The following ANKRD12 variants were observed in gnomAD, a reference collection of about 807,000 sequenced individuals.
The protein encoded by ANKRD12 is ankyrin repeat domain 12, also known as ankyrin repeat domain-containing protein 12.
A neutral mutation model predicts 183.4 loss-of-function variants in ANKRD12; 85 were observed. That is an observed-to-expected ratio of 0.46 (90% CI 0.39 to 0.56). ANKRD12 has a LOEUF of 0.56. ANKRD12 is among the 20% of genes least tolerant of loss of function. ANKRD12 has a pLI of 0.00. For missense variants in ANKRD12, 2,405 were observed against 2,357.1 expected, an observed-to-expected ratio of 1.02 and a Z score of -0.42; for synonymous variants, 914 against 800.2, an observed-to-expected ratio of 1.14 and a Z score of -2.40.
rs60328704 is a variant in ANKRD12, at chr18:9,172,025, C to CAA, written c.-51-10343_-51-10342dup. 6.1e-3 allele frequency among the ~76,000 whole-genome samples: 762 copies of CAA among 125,754 alleles called. 4 individuals are homozygous for CAA. The highest frequency in any genetic ancestry group is 0.024 in the Middle Eastern group (6 of 250). The allele number at this position is 125,754 out of a possible 152,430, so 82.5% of individuals were successfully genotyped here. ...GGAAGAGTGAAATGAAGCTCCACCT[C>CAA]AAAAAAAAAAAAAAACGAATGTTGA... On this transcript the variant is annotated intron_variant, in intron 1 of 12. Transcript: ENST00000262126.
In ANKRD12 at chr18:9,256,157, T is replaced by C. The variant is rs1354024749; in HGVS notation, c.2890T>C (p.Ser964Pro). 1.3e-6 allele frequency: 2 copies of C among 1,551,864 alleles called. No homozygotes were observed. The highest frequency in any genetic ancestry group is 1.7e-6 in the Non-Finnish European group (2 of 1,159,446). ...KDRELDKKEK[S>P]RDKESINITN... Reference sequence around the variant, plus strand: ...CAGGGAGCTAGATAAAAAGGAAAAATCTAGAGATAAAGAAAGTATAAATAT... The same window carrying C: ...CAGGGAGCTAGATAAAAAGGAAAAACCTAGAGATAAAGAAAGTATAAATAT... The change falls in exon 9 of 13, where the codon TCT (serine) becomes CCT (proline). Residue 964 changes from serine (S) to proline (P), a missense_variant. Physicochemically the swap from Ser to Pro is moderately conservative, Grantham distance 74. This residue lies in a region of ANKRD12 where 1,983 missense variants were observed against 1,725.9 expected (regional missense o/e 1.15). Coordinates refer to ENST00000262126, the MANE Select transcript of ANKRD12 (RefSeq NM_015208.5).
chr18:9,155,185 A>T (rs2030220897), intron 1 of ANKRD12, among the ~76,000 whole-genome samples: 1 of 152,248 alleles, frequency 6.6e-6, no homozygotes, highest in East Asian at 1.9e-4. Context: ...GGGTACAAAA[A>T]GTAGAAAGAA....
At chr18:9,265,936 G>A (rs1445527257) in intron 10 of ANKRD12, among the ~76,000 whole-genome samples, 2 of 152,136 alleles carry the variant, frequency 1.3e-5, no homozygotes, top group Admixed American at 6.6e-5. Flanking sequence ...AGGACCTGAT[G>A]GAACTGAAAA....
At chr18:9,206,890 A>G (rs1286461935) in intron 4 of ANKRD12, among the ~76,000 whole-genome samples, 1 of 151,464 alleles carries the variant, frequency 6.6e-6, no homozygotes, top group African/African-American at 2.4e-5. Flanking sequence ...CAAAAATGCA[A>G]AATTTTCCCC....
chr18:9,170,155 T>G (rs1309944772), intron 1 of ANKRD12, among the ~76,000 whole-genome samples: 1 of 152,224 alleles, frequency 6.6e-6, no homozygotes, highest in Non-Finnish European at 1.5e-5. Flanking sequence ...ATTTTTTCCT[T>G]CATTTCAACT....
Position 9,162,695 on chromosome 18 carries a change from C to G in ANKRD12, c.-51-19687C>G, listed in dbSNP as rs139658479. 2.6e-3 allele frequency among the ~76,000 whole-genome samples: 401 copies of G among 152,292 alleles called. 7 individuals carry two copies. The highest frequency in any genetic ancestry group is 3.4e-3 in the Middle Eastern group (1 of 294). On this transcript the variant is annotated intron_variant, in intron 1 of 12. Transcript: ENST00000262126. Reference sequence around the variant, plus strand: ...ACAGTGTAAAAGCATTTCTTTTTCTCCACAACCTCGCCAGCGTCTGTTTCT... The same window carrying G: ...ACAGTGTAAAAGCATTTCTTTTTCTGCACAACCTCGCCAGCGTCTGTTTCT...
chr18:9,200,338 C>T (rs1390030054), intron 3 of ANKRD12, among the ~76,000 whole-genome samples: 1 of 152,272 alleles, frequency 6.6e-6, no homozygotes, highest in East Asian at 1.9e-4. Context: ...TTATTTTACT[C>T]TGTCAAAGAA....
chr18:9,230,206 T>G (rs2036963171), intron 8 of ANKRD12, among the ~76,000 whole-genome samples: 1 of 152,332 alleles, frequency 6.6e-6, no homozygotes, highest in East Asian at 1.9e-4. Flanking sequence ...TCTGGTTTGA[T>G]TTTGGCAGGT....
At chr18:9,138,082 A>G (rs1475799800) in intron 1 of ANKRD12, among the ~76,000 whole-genome samples, 1 of 152,236 alleles carries the variant, frequency 6.6e-6, no homozygotes, top group African/African-American at 2.4e-5. Flanking sequence ...AATGGTTCGG[A>G]ATTACCTCTA....
intron 8 of ANKRD12, among the ~76,000 whole-genome samples, chr18:9,249,379 C>T (rs2038151917): frequency 6.6e-6 from 1 of 152,076 alleles, no homozygotes; most frequent in African/African-American, 2.4e-5. Flanking sequence ...TTACAGAAAG[C>T]TAAATAATGT....
At chr18:9,142,017 C>T (rs983648440) in intron 1 of ANKRD12, among the ~76,000 whole-genome samples, 1 of 152,178 alleles carries the variant, frequency 6.6e-6, no homozygotes, top group Non-Finnish European at 1.5e-5. Context: ...CTGCTTCACC[C>T]TCCCTAGTAG....
chr18:9,186,750 C>CTTTTTTT (rs759387137), intron 2 of ANKRD12, among the ~76,000 whole-genome samples: 1 of 117,276 alleles, frequency 8.5e-6, no homozygotes, highest in African/African-American at 3.3e-5. Context: ...CTTTGATTGT[C>CTTTTTTT]TTTTTTTTTT....
intron 1 of ANKRD12, 76 bp downstream of exon 1, chr18:9,137,041 C>T (rs1031984140): frequency 2.6e-5 from 4 of 152,612 alleles, no homozygotes; most frequent in Non-Finnish European, 5.8e-5. Flanking sequence ...TCCCCGGCGC[C>T]AGGGAGGAGA....
At position 9,254,309 on chromosome 18, in the gene ANKRD12, C is replaced by T. The variant is rs1425723704; in HGVS notation, c.1042C>T (p.Leu348Phe). 2 of 1,612,704 alleles carry T rather than the reference C, an allele frequency of 1.2e-6. No individual in the cohort carries two copies. Among genetic ancestry groups the T allele is most frequent in the East Asian group, 2.2e-5 (1 of 44,714 alleles). ...TCTCATCTGTGAAAGTAAACAGATACTTCCCAGTAAAACACCTCTTCCATC... is the reference window on the plus strand; with the variant it reads ...TCTCATCTGTGAAAGTAAACAGATATTTCCCAGTAAAACACCTCTTCCATC... ...DSLICESKQILPSKTPLPSAL... is the reference protein window; with the variant it reads ...DSLICESKQIFPSKTPLPSAL... Residue 348 changes from leucine to phenylalanine, a missense_variant, in exon 9 of 13, where the codon CTT (leucine) becomes TTT (phenylalanine). Leu to Phe is a conservative substitution (Grantham distance 22, BLOSUM62 0). Transcript: ENST00000262126.
At chr18:9,143,794 A>G (rs2078402048) in intron 1 of ANKRD12, among the ~76,000 whole-genome samples, 1 of 151,996 alleles carries the variant, frequency 6.6e-6, no homozygotes, top group Non-Finnish European at 1.5e-5. Context: ...GAATATGACC[A>G]AACACCACCA....
intron 7 of ANKRD12, among the ~76,000 whole-genome samples, chr18:9,220,821 A>G (rs1422335539): frequency 6.6e-6 from 1 of 152,200 alleles, no homozygotes; most frequent in Non-Finnish European, 1.5e-5. Context: ...TATATATTAG[A>G]ACATGAGAGA....
rs542185288 is a variant in ANKRD12, at chr18:9,170,097, G to A, written c.-51-12285G>A. ...CGAGAGATCAGCTGTTAGTCTGATG[G>A]GCTTGCCTTTGTGGGTAACCCCACC... On this transcript the variant is annotated intron_variant, in intron 1 of 12. Coordinates refer to ENST00000262126, the MANE Select transcript of ANKRD12 (RefSeq NM_015208.5). 3.3e-5 allele frequency among the ~76,000 whole-genome samples: 5 copies of A among 152,346 alleles called. No homozygotes were observed. The East Asian group carries it at 9.6e-4, about 29-fold the overall frequency.
intron 8 of ANKRD12, among the ~76,000 whole-genome samples, chr18:9,232,105 G>T (rs938440572): frequency 6.6e-6 from 1 of 152,102 alleles, no homozygotes; most frequent in Non-Finnish European, 1.5e-5. Flanking sequence ...GTTATTTTGT[G>T]TATTATTCTT....
Position 9,254,764 on chromosome 18 carries a change from A to G in ANKRD12, c.1497A>G (p.Arg499=). ...KQEKEGKENT[R]ITNLTVNTGL... ...AAAAGGAAGGAAAAGAAAATACAAGAATAACAAACTTGACAGTAAATACTG... is the reference window on the plus strand; with the variant it reads ...AAAAGGAAGGAAAAGAAAATACAAGGATAACAAACTTGACAGTAAATACTG... Residue 499 remains arginine (R), a synonymous_variant, in exon 9 of 13, where the codon AGA becomes AGG. Transcript: ENST00000262126. 6.8e-7 allele frequency: 1 copy of G among 1,471,442 alleles called. No individual in the cohort carries two copies. Among genetic ancestry groups the G allele is most frequent in the Non-Finnish European group, 9.0e-7 (1 of 1,112,160 alleles). 91.1% of individuals were successfully genotyped at this position (1,471,442 alleles called of 1,614,324 possible).
Sources: gnomAD v4.1 joint callset for allele counts (sites outside exome capture counted in the v4.1 genomes callset) on GRCh38, gnomAD v4.1.1 for gene constraint, gnomAD v4.1.1 regional missense constraint, MANE v1.5 for transcripts, NCBI Gene and HGNC (gene_info 2026-07-23, HGNC 2026-07-21) for gene names.